The following ADAMTSL1 variants were observed in gnomAD, a reference collection of about 807,000 sequenced individuals.
ADAMTSL1 encodes ADAMTS like 1.
ADAMTSL1 carries 126 observed loss-of-function variants against 201.8 expected under a neutral mutation model. The ratio of observed to expected loss-of-function variants is 0.62; its 90% confidence interval spans 0.54 to 0.72. The LOEUF (loss-of-function observed/expected upper bound fraction) is 0.72, where lower values mean the gene tolerates loss of function less well. ADAMTSL1 is among the 30% of genes least tolerant of loss of function. The probability of loss-of-function intolerance (pLI) is 0.00; values close to 1 mark genes in which losing one functional copy is unlikely to be tolerated. For synonymous variants in ADAMTSL1, 1,121 were observed against 903.4 expected (o/e 1.24, Z -4.32); for missense variants, 2,679 against 2,277.8 (o/e 1.18, Z -3.59).
At chr9:18,362,622 G>A (rs1023631341) in intron 2 of ADAMTSL1, among the ~76,000 whole-genome samples, 3 of 152,140 alleles carry the variant, frequency 2.0e-5, no homozygotes, top group African/African-American at 7.2e-5. Context: ...ATCAGAGATC[G>A]GACCGTGAAG....
Position 18,526,083 on chromosome 9 carries a change from C to G in ADAMTSL1, c.192-7164C>G, listed in dbSNP as rs149990462. Among the ~76,000 whole-genome samples the G allele has an allele frequency of 3.4e-3, 520 of 152,260 alleles. 1 individual carries two copies. Among genetic ancestry groups the G allele is most frequent in the African/African-American group, 0.012 (487 of 41,554 alleles). ...TATTATTGTGTGGGAGTCTAAGTCT[C>G]TTTGTAAGTCTCTAAGGACTTGCTT... On this transcript the variant is annotated intron_variant, in intron 2 of 28. Transcript: ENST00000380548.
chr9:18,833,194 A>G (rs1020737903), intron 23 of ADAMTSL1, among the ~76,000 whole-genome samples: 1 of 152,208 alleles, frequency 6.6e-6, no homozygotes, highest in African/African-American at 2.4e-5. Flanking sequence ...TGTTGCTCTC[A>G]TACTCTTGAC....
At chr9:18,095,985 C>G (rs948790378) in intron 1 of ADAMTSL1, among the ~76,000 whole-genome samples, 3 of 152,084 alleles carry the variant, frequency 2.0e-5, no homozygotes, top group Admixed American at 6.6e-5. Context: ...TTTATTTGGT[C>G]TTGTCTGTAT....
intron 2 of ADAMTSL1, among the ~76,000 whole-genome samples, chr9:18,225,366 G>T (rs909515563): frequency 6.6e-6 from 1 of 152,078 alleles, no homozygotes; most frequent in Non-Finnish European, 1.5e-5. Flanking sequence ...ATCCCACTGG[G>T]TTATGATTTA....
At chr9:18,320,051 C>G (rs1208740398) in intron 2 of ADAMTSL1, among the ~76,000 whole-genome samples, 1 of 152,080 alleles carries the variant, frequency 6.6e-6, no homozygotes, top group East Asian at 1.9e-4. Context: ...TGAGAACAGC[C>G]CTCATCTGAC....
chr9:18,422,993 T>C (rs944457479), intron 2 of ADAMTSL1, among the ~76,000 whole-genome samples: 2 of 152,236 alleles, frequency 1.3e-5, no homozygotes, highest in East Asian at 3.8e-4. Flanking sequence ...TTCCAGACTT[T>C]GGTGTGTCCT....
At chr9:18,418,755 A>T (rs1015104203) in intron 2 of ADAMTSL1, among the ~76,000 whole-genome samples, 2 of 152,220 alleles carry the variant, frequency 1.3e-5, no homozygotes, top group Non-Finnish European at 2.9e-5. Flanking sequence ...CATAGTAATG[A>T]TGTTAATTCC....
intron 10 of ADAMTSL1, among the ~76,000 whole-genome samples, chr9:18,679,163 C>CA (rs978523428): frequency 6.6e-6 from 1 of 152,068 alleles, no homozygotes; most frequent in South Asian, 2.1e-4. Flanking sequence ...ACAATGTACA[C>CA]AAAAAACCCG....
intron 23 of ADAMTSL1, among the ~76,000 whole-genome samples, chr9:18,862,865 T>A (rs540914062): frequency 7.2e-4 from 110 of 152,248 alleles, no homozygotes; most frequent in African/African-American, 2.6e-3. Context: ...ACCCAGAAAG[T>A]TGAAACTTTA....
At chr9:18,658,231 C>G (rs776774) in intron 8 of ADAMTSL1, among the ~76,000 whole-genome samples, 49,965 of 152,096 alleles carry the variant, frequency 0.33, 8,535 homozygotes, top group East Asian at 0.67. Flanking sequence ...ACCTCGGCCT[C>G]CCAAAGTGCT....
intron 2 of ADAMTSL1, among the ~76,000 whole-genome samples, chr9:18,381,145 G>A (rs1404513123): frequency 6.6e-6 from 1 of 152,176 alleles, no homozygotes; most frequent in Non-Finnish European, 1.5e-5. Context: ...ATGTTTGTAT[G>A]TTTGGTTTAA....
chr9:18,085,628 C>G (rs1005847988), intron 1 of ADAMTSL1, among the ~76,000 whole-genome samples: 4 of 146,798 alleles, frequency 2.7e-5, no homozygotes, highest in African/African-American at 7.6e-5. Context: ...CGTATATACA[C>G]TGTGTGTGTA....
intron 1 of ADAMTSL1, among the ~76,000 whole-genome samples, chr9:18,502,449 C>G (rs1822893813): frequency 6.6e-6 from 1 of 152,172 alleles, no homozygotes; most frequent in Non-Finnish European, 1.5e-5. Flanking sequence ...ACACAATTAA[C>G]TTTTTAAAAT....
At chr9:18,054,800 C>T (rs1822101591) in intron 1 of ADAMTSL1, among the ~76,000 whole-genome samples, 1 of 152,164 alleles carries the variant, frequency 6.6e-6, no homozygotes, top group African/African-American at 2.4e-5. Context: ...TTTCCAGATG[C>T]TTGACAGGAT....
intron 13 of ADAMTSL1, among the ~76,000 whole-genome samples, chr9:18,705,046 C>G (rs1156873563): frequency 6.6e-6 from 1 of 152,230 alleles, no homozygotes; most frequent in Non-Finnish European, 1.5e-5. Flanking sequence ...CAGACCACCC[C>G]TGTTCCACAT....
chr9:18,515,155 G>A (rs1818287846), intron 2 of ADAMTSL1, among the ~76,000 whole-genome samples: 1 of 152,010 alleles, frequency 6.6e-6, no homozygotes, highest in Admixed American at 6.6e-5. Context: ...GTTAAATTAG[G>A]ATCTCTTGGG....
chr9:18,659,806 A>T (rs922163765), intron 8 of ADAMTSL1, among the ~76,000 whole-genome samples: 6 of 152,198 alleles, frequency 3.9e-5, no homozygotes, highest in African/African-American at 1.2e-4. Context: ...GCTTTGTTTA[A>T]AAATGAACTG....
intron 5 of ADAMTSL1, among the ~76,000 whole-genome samples, chr9:18,627,095 T>A (rs1224668296): frequency 6.6e-6 from 1 of 151,872 alleles, no homozygotes; most frequent in Non-Finnish European, 1.5e-5. Flanking sequence ...ATCCTCCCAC[T>A]TCAGCCTCCC....
intron 3 of ADAMTSL1, among the ~76,000 whole-genome samples, chr9:18,560,167 T>C (rs986029887): frequency 6.6e-6 from 1 of 152,196 alleles, no homozygotes; most frequent in Admixed American, 6.5e-5. Context: ...ACTCTTATTA[T>C]TTTGAGATAT....
Sources: gnomAD v4.1 joint callset for allele counts (sites outside exome capture counted in the v4.1 genomes callset) on GRCh38, gnomAD v4.1.1 for gene constraint, MANE v1.5 for transcripts, NCBI Gene and HGNC (gene_info 2026-07-23, HGNC 2026-07-21) for gene names.